The following MEGF6 variants were observed in gnomAD, a reference collection of about 807,000 sequenced individuals.
MEGF6 encodes multiple epidermal growth factor-like domains protein 6.
MEGF6 carries 184 observed loss-of-function variants against 207.1 expected under a neutral mutation model. The ratio of observed to expected loss-of-function variants is 0.89; its 90% CI spans 0.79 to 1.00. The LOEUF (loss-of-function observed/expected upper bound fraction) is 1.00, where lower values mean the gene tolerates loss of function less well. MEGF6 is among the 50% of genes least tolerant of loss of function. The probability of loss-of-function intolerance (pLI) is 0.00; values close to 1 mark genes in which losing one functional copy is unlikely to be tolerated. For missense variants in MEGF6, 2,282 were observed against 2,202.9 expected, an observed-to-expected ratio of 1.04 and a Z score of -0.72; for synonymous variants, 1,038 against 910.0, an observed-to-expected ratio of 1.14 and a Z score of -2.53.
In MEGF6 at chr1:3,492,851, G is replaced by C. The variant is rs575566373; in HGVS notation, c.4388-84C>G. ...AAGGAGCCTGGGCCTAGGGGCCCGCGGCAGAGCCCAGGTGGAGTGAAGCCT... is the reference window on the plus strand; with the variant it reads ...AAGGAGCCTGGGCCTAGGGGCCCGCCGCAGAGCCCAGGTGGAGTGAAGCCT... On this transcript the variant is annotated intron_variant, in intron 34 of 36. Coordinates refer to ENST00000356575, the MANE Select transcript of MEGF6 (RefSeq NM_001409.4). 9 of 1,533,400 alleles carry C rather than the reference G, an allele frequency of 5.9e-6. No individual in the cohort carries two copies. The South Asian group carries it at 1.1e-4, about 18-fold the overall frequency. The allele number at this position is 1,533,400 out of a possible 1,614,324, so 95.0% of individuals were successfully genotyped here.
intron 3 of MEGF6, among the ~76,000 whole-genome samples, chr1:3,590,326 G>C (rs568103224): frequency 1.6e-4 from 24 of 152,304 alleles, no homozygotes; most frequent in African/African-American, 5.8e-4. Flanking sequence ...AACATGGGCA[G>C]GGTCTGGGAA....
chr1:3,606,827 A>G (rs2101899827), intron 1 of MEGF6, among the ~76,000 whole-genome samples: 1 of 152,306 alleles, frequency 6.6e-6, no homozygotes, highest in East Asian at 1.9e-4. Context: ...CTTCTGGGCT[A>G]CAGGGTCCAG....
intron 26 of MEGF6, 161 bp from the exon 27 acceptor site, chr1:3,497,522 GGAGGGCAGAGGCAGGCCCCGGTGGCAA>G: frequency 2.0e-6 from 2 of 1,011,732 alleles, no homozygotes; most frequent in African/African-American, 1.6e-5. Flanking sequence ...CCGCCACCCC[GGAGGGCAGAGGCAGGCCCCGGTGGCAA>G]GGTGGCAGGG....
chr1:3,495,494 C>T (rs556796934), intron 30 of MEGF6, among the ~76,000 whole-genome samples: 22 of 152,300 alleles, frequency 1.4e-4, no homozygotes, highest in Non-Finnish European at 3.1e-4. Context: ...GTCCCTGAGC[C>T]CTGGGCCTGG....
At chr1:3,618,763 C>G in the MEGF6 span, among the ~76,000 whole-genome samples, 1 of 152,320 alleles carries the variant, frequency 6.6e-6, no homozygotes, top group East Asian at 1.9e-4. This position sits in a 1 kb window ranked among gnomAD's most constrained non-coding sequence, Gnocchi z 4.7. Context: ...CCGCCAAGCC[C>G]CAGCCCTGGC....
chr1:3,531,027 G>C, intron 4 of MEGF6: 2 of 1,435,526 alleles, frequency 1.4e-6, no homozygotes, highest in Non-Finnish European at 1.8e-6. Flanking sequence ...AAGGGAGCGC[G>C]CCGGGGAGCG....
chr1:3,544,346 C>T (rs984248742), intron 4 of MEGF6, among the ~76,000 whole-genome samples: 12 of 151,312 alleles, frequency 7.9e-5, no homozygotes, highest in South Asian at 2.1e-4. Flanking sequence ...GGCTGCAGGG[C>T]GGCACCTGTC....
chr1:3,605,151 C>G (rs1644224407), intron 1 of MEGF6, among the ~76,000 whole-genome samples: 1 of 70,788 alleles, frequency 1.4e-5, no homozygotes, highest in African/African-American at 5.3e-5. Flanking sequence ...CAGTCACACA[C>G]TCACAGTCAC....
At chr1:3,618,054 G>A in the MEGF6 span, among the ~76,000 whole-genome samples, 1 of 152,132 alleles carries the variant, frequency 6.6e-6, no homozygotes, top group African/African-American at 2.4e-5. The surrounding 1 kb of genome is among the most constrained non-coding windows in gnomAD (Gnocchi z 4.7). Flanking sequence ...CACCCTGCAG[G>A]CCCCTGGCCC....
At chr1:3,496,141 TGGGGCCA>T in intron 29 of MEGF6, 123 bp from the exon 30 acceptor site, 1 of 1,369,854 alleles carries the variant, frequency 7.3e-7, no homozygotes, top group Non-Finnish European at 9.5e-7. Context: ...CCAGACAGGG[TGGGGCCA>T]GCCAACTCTC....
intron 4 of MEGF6, among the ~76,000 whole-genome samples, chr1:3,524,818 C>T (rs1896): frequency 0.29 from 43,807 of 151,978 alleles, 7,096 homozygotes; most frequent in Non-Finnish European, 0.37. Context: ...GAGATTGTTC[C>T]GGATGAGGGT....
rs748960509 is a variant in MEGF6 at position 3,505,550 on chromosome 1, G to T, written c.1925C>A (p.Pro642Gln). The change falls in exon 16 of 37, where the codon CCG becomes CAG. Residue 642 changes from proline to glutamine, a missense_variant. Coordinates refer to ENST00000356575, the MANE Select transcript of MEGF6 (RefSeq NM_001409.4). ...LYGRFCHLTCPPWAFGPGCSE... is the reference protein window; with the variant it reads ...LYGRFCHLTCQPWAFGPGCSE... ...GCAGCCCGGCCCAAAGGCCCACGGC[G>T]GGCAGGCTGCACCCACAGAACCGTT... 1 of 1,576,986 alleles carries T rather than the reference G, an allele frequency of 6.3e-7. No homozygotes were observed. The highest frequency in any genetic ancestry group is 2.3e-5 in the East Asian group (1 of 43,344).
rs1015275825 is a variant in MEGF6 at position 3,573,508 on chromosome 1, C to T, written c.481+6317G>A. On this transcript the variant is annotated intron_variant, in intron 4 of 36. Transcript: ENST00000356575. This position sits in a 1 kb window ranked among gnomAD's most constrained non-coding sequence, Gnocchi z 5.1. The stretch of plus-strand genomic sequence containing the variant: ...CGTCCACAGGACAAAGCTGAGATGC[C>T]TCCCCAGGAATCAGCCCAGGCTGGG... 2.6e-5 allele frequency among the ~76,000 whole-genome samples: 4 copies of T among 152,236 alleles called. No individual in the cohort carries two copies. Among genetic ancestry groups the T allele is most frequent in the African/African-American group, 9.6e-5 (4 of 41,454 alleles).
chr1:3,527,685 G>A (rs953251577), intron 4 of MEGF6, among the ~76,000 whole-genome samples: 4 of 152,220 alleles, frequency 2.6e-5, no homozygotes, highest in African/African-American at 9.6e-5. Context: ...AGTCAGCTGG[G>A]GGCAGACTCA....
chr1:3,609,465 C>T (rs1257504916), intron 1 of MEGF6, among the ~76,000 whole-genome samples: 1 of 152,198 alleles, frequency 6.6e-6, no homozygotes, highest in East Asian at 1.9e-4. Context: ...CGCTGGTGGA[C>T]GATCTGTGAG....
chr1:3,491,090 C>T (rs2100804764), intron 35 of MEGF6, 131 bp from the exon 36 acceptor site: 1 of 703,958 alleles, frequency 1.4e-6, no homozygotes, highest in East Asian at 3.6e-5. Flanking sequence ...CTTCCCTTCT[C>T]AGTCCTTTGC....
chr1:3,568,802 G>C lies in MEGF6; in HGVS notation c.481+11023C>G, dbSNP rs1450107368. Among the ~76,000 whole-genome samples, 3 of 152,100 alleles carry C rather than the reference G, an allele frequency of 2.0e-5. No individual in the cohort carries two copies. In the East Asian group the frequency reaches 5.8e-4, roughly 29 times the overall value. ...ACCTTACAGAAGCCCTGTGGGTGAG[G>C]TTTGCCCCTCTGCTCCCTCCACCAG... On this transcript the variant is annotated intron_variant, in intron 4 of 36. Transcript: ENST00000356575.
rs191040976 is a variant in MEGF6, at chr1:3,549,856, A to G, written c.482-25610T>C. ...GGGCACCAGACAGGCCCCTTGCTCC[A>G]GCTTCTCCCAGGGATGATCCAAGCA... On this transcript the variant is annotated intron_variant, in intron 4 of 36. Coordinates refer to ENST00000356575, the MANE Select transcript of MEGF6 (RefSeq NM_001409.4). 7.5e-3 allele frequency among the ~76,000 whole-genome samples: 1,145 copies of G among 152,302 alleles called. 12 individuals carry two copies. The highest frequency in any genetic ancestry group is 0.024 in the African/African-American group (1,012 of 41,564).
intron 4 of MEGF6, among the ~76,000 whole-genome samples, chr1:3,531,909 T>C: frequency 6.6e-6 from 1 of 152,028 alleles, no homozygotes; most frequent in Non-Finnish European, 1.5e-5. Context: ...GGGGAACTGG[T>C]TTGAAGCTGC....
Sources: gnomAD v4.1 joint callset for allele counts (sites outside exome capture counted in the v4.1 genomes callset) on GRCh38, gnomAD v4.1.1 for gene constraint, Gnocchi (gnomAD v3.1) non-coding constraint, MANE v1.5 for transcripts, NCBI Gene and HGNC (gene_info 2026-07-23, HGNC 2026-07-21) for gene names.